Variants in ENTREP2 observed in about 807,000 individuals in gnomAD.
The protein encoded by ENTREP2 is protein ENTREP2.
the ENTREP2 span, among the ~76,000 whole-genome samples, chr15:29,673,493 T>C: frequency 3.3e-5 from 5 of 151,956 alleles, no homozygotes; most frequent in African/African-American, 1.2e-4. Context: ...CAGGATCCCA[T>C]GTGGTGCCAG....
At chr15:29,517,395 G>A in the ENTREP2 span, among the ~76,000 whole-genome samples, 1 of 152,314 alleles carries the variant, frequency 6.6e-6, no homozygotes, top group Middle Eastern at 3.4e-3. Context: ...CTGAGGTCAA[G>A]TGGCCAAGAT....
the ENTREP2 span, among the ~76,000 whole-genome samples, chr15:29,274,189 G>A: frequency 6.6e-6 from 1 of 152,300 alleles, no homozygotes; most frequent in East Asian, 1.9e-4. Flanking sequence ...ACTATACAAA[G>A]TGAATGGTGG....
the ENTREP2 span, among the ~76,000 whole-genome samples, chr15:29,597,758 T>C: frequency 6.6e-6 from 1 of 152,088 alleles, no homozygotes; most frequent in Non-Finnish European, 1.5e-5. Flanking sequence ...TGCTGGTTTA[T>C]GTAGGGACAT....
chr15:29,221,500 C>T, the ENTREP2 span, among the ~76,000 whole-genome samples: 2 of 152,134 alleles, frequency 1.3e-5, no homozygotes, highest in African/African-American at 4.8e-5. Flanking sequence ...ACGACCGACA[C>T]TTTCAAGGAC....
At chr15:29,619,757 ACCCTCCTGGCCATCC>A in the ENTREP2 span, among the ~76,000 whole-genome samples, 1 of 151,436 alleles carries the variant, frequency 6.6e-6, no homozygotes, top group Non-Finnish European at 1.5e-5. Flanking sequence ...CCTGACACCC[ACCCTCCTGGCCATCC>A]CCTGATCTCA....
the ENTREP2 span, among the ~76,000 whole-genome samples, chr15:29,674,202 G>C: frequency 3.6e-5 from 5 of 140,544 alleles, no homozygotes; most frequent in South Asian, 2.3e-4. Flanking sequence ...TCAACTCCTC[G>C]CTACCCCAGC....
chr15:29,434,822 C>A, the ENTREP2 span, among the ~76,000 whole-genome samples: 1 of 152,116 alleles, frequency 6.6e-6, no homozygotes, highest in Admixed American at 6.6e-5. Context: ...TGAAAAAAGT[C>A]TTGTGTTAAA....
At chr15:29,580,745 G>T in the ENTREP2 span, among the ~76,000 whole-genome samples, 2 of 152,206 alleles carry the variant, frequency 1.3e-5, no homozygotes, top group African/African-American at 2.4e-5. Flanking sequence ...AGGCAAAGAG[G>T]TTAGGCTGTT....
the ENTREP2 span, among the ~76,000 whole-genome samples, chr15:29,624,333 G>GCACACA: frequency 1.7e-4 from 26 of 151,114 alleles, no homozygotes; most frequent in African/African-American, 5.8e-4. Context: ...ATGCACGTGC[G>GCACACA]CACACACACA....
At chr15:29,139,940 C>A in the ENTREP2 span, among the ~76,000 whole-genome samples, 8 of 152,292 alleles carry the variant, frequency 5.3e-5, no homozygotes, top group African/African-American at 1.9e-4. Context: ...CTGCAGACTA[C>A]GCTTCCCAGG....
the ENTREP2 span, among the ~76,000 whole-genome samples, chr15:29,236,780 A>G: frequency 2.0e-5 from 3 of 152,224 alleles, no homozygotes; most frequent in Non-Finnish European, 4.4e-5. Context: ...TCAATTCTAC[A>G]TAATCCCTTC....
At chr15:29,267,277 CT>C in the ENTREP2 span, 5 of 152,190 alleles carry the variant, frequency 3.3e-5, no homozygotes, top group African/African-American at 9.7e-5. Flanking sequence ...GCACCTCCCC[CT>C]AAAACAATTA....
the ENTREP2 span, among the ~76,000 whole-genome samples, chr15:29,654,658 G>A: frequency 1.9e-4 from 29 of 152,226 alleles, no homozygotes; most frequent in Non-Finnish European, 1.0e-4. Flanking sequence ...TCCTTATCTT[G>A]CAGTATACAA....
the ENTREP2 span, among the ~76,000 whole-genome samples, chr15:29,290,472 C>T: frequency 1.3e-5 from 2 of 152,212 alleles, no homozygotes; most frequent in Non-Finnish European, 2.9e-5. Flanking sequence ...TACTTTTTCA[C>T]CATAACACTC....
chr15:29,126,369 CAT>C, the ENTREP2 span: 16 of 1,543,316 alleles, frequency 1.0e-5, no homozygotes, highest in Middle Eastern at 1.8e-4. Context: ...TCTGGAGACA[CAT>C]GGCCAGGGGG....
chr15:29,204,749 A>G, the ENTREP2 span, among the ~76,000 whole-genome samples: 1 of 152,164 alleles, frequency 6.6e-6, no homozygotes, highest in African/African-American at 2.4e-5. Context: ...TAGAAACTAG[A>G]CCCTAAGTTT....
chr15:29,416,885 C>T, the ENTREP2 span, among the ~76,000 whole-genome samples: 2 of 152,200 alleles, frequency 1.3e-5, no homozygotes, highest in African/African-American at 4.8e-5. Context: ...CCAGAAAACA[C>T]ATGAAAAATT....
chr15:29,300,948 A>G, the ENTREP2 span, among the ~76,000 whole-genome samples: 3 of 152,194 alleles, frequency 2.0e-5, no homozygotes, highest in African/African-American at 7.2e-5. Flanking sequence ...AATAATTTCT[A>G]TACAGGTAAA....
chr15:29,448,640 C>CTAAATTT, the ENTREP2 span, among the ~76,000 whole-genome samples: 1 of 152,130 alleles, frequency 6.6e-6, no homozygotes, highest in Non-Finnish European at 1.5e-5. Context: ...CAAATCGAGA[C>CTAAATTT]GAACCAATAA....
Sources: gnomAD v4.1 joint callset for allele counts (sites outside exome capture counted in the v4.1 genomes callset) on GRCh38, gnomAD v4.1.1 for gene constraint, MANE v1.5 for transcripts, NCBI Gene and HGNC (gene_info 2026-07-23, HGNC 2026-07-21) for gene names.